Variants in ARHGEF10 observed in about 807,000 individuals in gnomAD.
ARHGEF10 encodes Rho guanine nucleotide exchange factor (GEF) 10.
ARHGEF10 carries 140 observed loss-of-function variants against 147.4 expected under a neutral mutation model. The ratio of observed to expected loss-of-function variants is 0.95; its 90% CI spans 0.83 to 1.09. ARHGEF10 has a LOEUF of 1.09. Among genes scored for constraint, ARHGEF10 ranks in the 50% least tolerant of loss-of-function variants. The pLI is 0.00. For missense variants in ARHGEF10, 2,222 were observed against 1,752.7 expected (o/e 1.27, Z -4.78); for synonymous variants, 902 against 695.8 (o/e 1.30, Z -4.67).
rs777514485 is a variant in ARHGEF10 at position 1,945,508 on chromosome 8, G to A, written c.3250G>A (p.Gly1084Ser). 1 of 1,611,070 alleles carries A rather than the reference G, an allele frequency of 6.2e-7. No homozygotes were observed. The highest frequency in any genetic ancestry group is 1.7e-5 in the Admixed American group (1 of 59,558). Residue 1084 changes from glycine (G) to serine (S), a missense_variant, in exon 27 of 29, where the codon GGC becomes AGC. By Grantham distance (56) the Gly-to-Ser change is moderately conservative. Coordinates refer to ENST00000349830, the MANE Select transcript of ARHGEF10 (RefSeq NM_014629.4). ...TCAGCTGGAGGCCCACCAGGAGGAAGGCATGGTGATCTCCCACATGGCCGT... is the reference window on the plus strand; with the variant it reads ...TCAGCTGGAGGCCCACCAGGAGGAAAGCATGGTGATCTCCCACATGGCCGT... ...EGQLEAHQEE[G>S]MVISHMAVSG...
intron 11 of ARHGEF10, among the ~76,000 whole-genome samples, chr8:1,890,733 G>C (rs757270794): frequency 1.3e-5 from 2 of 151,998 alleles, no homozygotes; most frequent in Admixed American, 6.6e-5. Flanking sequence ...GGTAAGAGTC[G>C]AGGTTCTGTG....
rs544105252 is a variant in ARHGEF10, at chr8:1,915,592, G to A, written c.2143+6122G>A. Among the ~76,000 whole-genome samples the A allele has an allele frequency of 6.7e-4, 102 of 152,388 alleles. No homozygotes were observed. The South Asian group carries it at 9.3e-3, about 14-fold the overall frequency. Reference sequence around the variant, plus strand: ...TTCAGGACAGTCCCACAGTGGTGGCGATGCCACATGCGTGGCTCTGTTCTC... The same window carrying A: ...TTCAGGACAGTCCCACAGTGGTGGCAATGCCACATGCGTGGCTCTGTTCTC... On this transcript the variant is annotated intron_variant, in intron 18 of 28. Transcript: ENST00000349830.
At chr8:1,857,048 A>C (rs1302114085) in intron 2 of ARHGEF10, among the ~76,000 whole-genome samples, 2 of 152,212 alleles carry the variant, frequency 1.3e-5, no homozygotes, top group African/African-American at 4.8e-5. Context: ...ACCCCGGTCC[A>C]AGGAGACCTG....
At chr8:1,838,341 A>G (rs1007374303) in intron 1 of ARHGEF10, among the ~76,000 whole-genome samples, 7 of 152,242 alleles carry the variant, frequency 4.6e-5, no homozygotes, top group African/African-American at 1.7e-4. Flanking sequence ...TGCTCCAGCC[A>G]TGGAACGTAC....
At chr8:1,859,740 C>T (rs142778820) in intron 3 of ARHGEF10, among the ~76,000 whole-genome samples, 157 bp from the exon 4 acceptor site, 1 of 152,304 alleles carries the variant, frequency 6.6e-6, no homozygotes, top group Non-Finnish European at 1.5e-5. Context: ...TGTGTGAGTG[C>T]TCCCTCCGAG....
intron 28 of ARHGEF10, among the ~76,000 whole-genome samples, chr8:1,955,883 C>G (rs1815523953): frequency 1.3e-5 from 2 of 152,374 alleles, no homozygotes; most frequent in South Asian, 4.1e-4. Context: ...GATGAGCGGG[C>G]CTGTCCCTGC....
intron 22 of ARHGEF10, 86 bp downstream of exon 22, chr8:1,925,490 G>A (rs1200530583): frequency 2.7e-5 from 42 of 1,569,292 alleles, no homozygotes; most frequent in East Asian, 9.1e-5. Context: ...CTTAAGGGGC[G>A]TGGTCAGAAC....
chr8:1,824,815 T>TC (rs1324146503), intron 1 of ARHGEF10, among the ~76,000 whole-genome samples: 1 of 7,460 alleles, frequency 1.3e-4, no homozygotes, highest in Non-Finnish European at 2.2e-4. Flanking sequence ...CTGTTCCCCC[T>TC]GCACCCCACC....
At chr8:1,841,813 C>T (rs1285575769) in intron 1 of ARHGEF10, among the ~76,000 whole-genome samples, 2 of 111,150 alleles carry the variant, frequency 1.8e-5, no homozygotes, top group African/African-American at 6.1e-5. Context: ...GGAACTGGGG[C>T]CGCGGCGGGA....
At chr8:1,874,611 C>T (rs967775038) in intron 7 of ARHGEF10, among the ~76,000 whole-genome samples, 19 of 148,330 alleles carry the variant, frequency 1.3e-4, no homozygotes, top group South Asian at 6.4e-4. Flanking sequence ...GGGTGTGTAG[C>T]GGGTGGAGGT....
intron 27 of ARHGEF10, among the ~76,000 whole-genome samples, chr8:1,949,464 C>T (rs1398165452): frequency 6.6e-6 from 1 of 152,134 alleles, no homozygotes; most frequent in African/African-American, 2.4e-5. Context: ...TTCACGGCGC[C>T]TCAGCTTTTA....
chr8:1,877,326 T>A (rs1179655925), intron 8 of ARHGEF10, among the ~76,000 whole-genome samples: 1 of 152,106 alleles, frequency 6.6e-6, no homozygotes, highest in Non-Finnish European at 1.5e-5. Context: ...CTCCCAGGTT[T>A]AAGCCATTCT....
In ARHGEF10 at chr8:1,887,367, A is replaced by G. The variant is rs536490189; in HGVS notation, c.1182+1660A>G. 2.6e-5 allele frequency among the ~76,000 whole-genome samples: 4 copies of G among 152,302 alleles called. No homozygotes were observed. The South Asian group carries it at 8.3e-4, about 32-fold the overall frequency. ...GCCAAGACAGCGGCCTGAGCTGAAG[A>G]CCAGTGGGCAGGATGCGGGGGTGAG... On this transcript the variant is annotated intron_variant, in intron 11 of 28. Coordinates refer to ENST00000349830, the MANE Select transcript of ARHGEF10 (RefSeq NM_014629.4).
intron 1 of ARHGEF10, among the ~76,000 whole-genome samples, chr8:1,836,363 C>G (rs1035895236): frequency 2.0e-5 from 3 of 152,114 alleles, no homozygotes; most frequent in Non-Finnish European, 4.4e-5. Context: ...TGCTCTGCCC[C>G]CAGGGTCCAT....
At chr8:1,928,948 C>G (rs1812897963) in intron 24 of ARHGEF10, among the ~76,000 whole-genome samples, 1 of 152,140 alleles carries the variant, frequency 6.6e-6, no homozygotes, top group Admixed American at 6.6e-5. Context: ...AGGACATTCC[C>G]CCCTTATATT....
chr8:1,874,068 A>T (rs4242521), intron 7 of ARHGEF10, among the ~76,000 whole-genome samples: 85,727 of 152,114 alleles, frequency 0.56, 24,475 homozygotes, highest in East Asian at 0.7. Flanking sequence ...TTGGTCAGAA[A>T]ACACATGCCA....
intron 18 of ARHGEF10, among the ~76,000 whole-genome samples, chr8:1,920,926 T>G (rs918817634): frequency 2.0e-5 from 3 of 152,136 alleles, no homozygotes; most frequent in African/African-American, 7.2e-5. Flanking sequence ...TAGGTGGGAT[T>G]ACAGCATGCA....
rs376295256 is a variant in ARHGEF10 at position 1,928,497 on chromosome 8, T to C, written c.2768T>C (p.Ile923Thr). Reference sequence around the variant, plus strand: ...TTTCAAAATTCCACTCCCAAAGTCATTGAGTGCTTCAACGTGGAATCTCGC... The same window carrying C: ...TTTCAAAATTCCACTCCCAAAGTCACTGAGTGCTTCAACGTGGAATCTCGC... Reference protein sequence around the residue: ...VSFQNSTPKVIECFNVESRIL... With the variant: ...VSFQNSTPKVTECFNVESRIL... Residue 923 changes from isoleucine to threonine, a missense_variant, in exon 24 of 29, where the codon ATT (isoleucine) becomes ACT (threonine). By Grantham distance (89) the Ile-to-Thr change is moderately conservative. Transcript: ENST00000349830. 1.9e-5 allele frequency: 30 copies of C among 1,613,132 alleles called. No homozygotes were observed. In the East Asian group the frequency reaches 2.2e-4, roughly 12 times the overall value.
At chr8:1,858,210 A>G in intron 3 of ARHGEF10, 95 bp downstream of exon 3, 1 of 1,170,302 alleles carries the variant, frequency 8.5e-7, no homozygotes, top group Non-Finnish European at 1.2e-6. Context: ...GTGAGTTCCC[A>G]GGTGAGTCCC....
Sources: gnomAD v4.1 joint callset for allele counts (sites outside exome capture counted in the v4.1 genomes callset) on GRCh38, gnomAD v4.1.1 for gene constraint, MANE v1.5 for transcripts, NCBI Gene and HGNC (gene_info 2026-07-23, HGNC 2026-07-21) for gene names.